Variants in MTAP observed in about 807,000 individuals in gnomAD.
MTAP encodes S-methyl-5'-thioadenosine phosphorylase.
MTAP carries 33 observed loss-of-function variants against 33.6 expected under a neutral mutation model. That is an observed-to-expected ratio of 0.98 (90% CI 0.74 to 1.31). The LOEUF is 1.31. Among genes scored for constraint, MTAP ranks in the 40% most tolerant of loss-of-function variants. The probability of loss-of-function intolerance (pLI) is 0.00; values close to 1 mark genes in which losing one functional copy is unlikely to be tolerated. For missense variants in MTAP, 367 were observed against 360.0 expected (o/e 1.02, Z -0.16); for synonymous variants, 148 against 125.7 (o/e 1.18, Z -1.19).
At chr9:21,845,900 C>G (rs144130947) in intron 5 of MTAP, among the ~76,000 whole-genome samples, 285 of 152,284 alleles carry the variant, frequency 1.9e-3, no homozygotes, top group African/African-American at 6.7e-3. Flanking sequence ...CAGCATGGTA[C>G]TGGTATAAAA....
downstream of MTAP, among the ~76,000 whole-genome samples, chr9:21,868,537 T>A (rs1404376115): frequency 6.6e-6 from 1 of 152,180 alleles, no homozygotes; most frequent in Non-Finnish European, 1.5e-5. Context: ...GCAGGAGTTG[T>A]TTTTTTAACT....
chr9:21,941,036 T>C (rs1303812264), downstream of MTAP: 1 of 976,558 alleles, frequency 1.0e-6, no homozygotes, highest in Admixed American at 6.2e-5. Flanking sequence ...CATGACATCC[T>C]ATAGTAATAT....
intron 1 of MTAP, among the ~76,000 whole-genome samples, chr9:21,917,823 A>G (rs1383110843): frequency 2.6e-5 from 4 of 152,370 alleles, no homozygotes; most frequent in Non-Finnish European, 5.9e-5. Context: ...CAAATGCAAG[A>G]ATATGGAACC....
chr9:21,936,315 A>G (rs1442504733), exon 8 of MTAP: 1 of 152,250 alleles, frequency 6.6e-6, no homozygotes, highest in Non-Finnish European at 1.5e-5. Flanking sequence ...TGATGTCTTC[A>G]TCTCCTGGAA....
intron 1 of MTAP, among the ~76,000 whole-genome samples, chr9:21,890,349 A>G (rs1304023673): frequency 1.3e-5 from 2 of 152,178 alleles, no homozygotes; most frequent in East Asian, 1.9e-4. Flanking sequence ...GCCCCAGGCT[A>G]CATGTCTCCT....
At chr9:21,909,766 A>G (rs1047815551) in intron 1 of MTAP, among the ~76,000 whole-genome samples, 3 of 152,200 alleles carry the variant, frequency 2.0e-5, no homozygotes, top group African/African-American at 7.2e-5. Context: ...CATTCATTTA[A>G]CAGGTGTTAA....
chr9:21,842,671 T>C (rs1023758031), intron 5 of MTAP, among the ~76,000 whole-genome samples: 17 of 152,164 alleles, frequency 1.1e-4, no homozygotes, highest in African/African-American at 4.1e-4. Context: ...AGCTTCATAA[T>C]TGAAGGAGAG....
At chr9:21,881,731 G>A (rs912300743) in intron 1 of MTAP, among the ~76,000 whole-genome samples, 4 of 151,862 alleles carry the variant, frequency 2.6e-5, no homozygotes, top group African/African-American at 4.8e-5. Context: ...AACAGAAAAT[G>A]TTGCCATAGA....
chr9:21,856,440 A>G (rs768919082), intron 6 of MTAP, among the ~76,000 whole-genome samples: 1 of 152,230 alleles, frequency 6.6e-6, no homozygotes, highest in Admixed American at 6.5e-5. Context: ...AAGTCACAAC[A>G]TAATATCTTA....
chr9:21,865,862 A>G lies in MTAP; in HGVS notation c.*3848A>G. ...TGTGCCTTTTTTATTGCCTAGTAGT[A>G]TTCTGTCATATGCCTATCTTACAAT... is the stretch of plus-strand genomic sequence containing the variant. On this transcript the variant is annotated 3_prime_UTR_variant, in exon 8 of 8. Coordinates refer to ENST00000644715, the MANE Select transcript of MTAP (RefSeq NM_002451.4). 1 of 817,074 alleles carries G rather than the reference A, an allele frequency of 1.2e-6. No individual in the cohort carries two copies. The highest frequency in any genetic ancestry group is 1.5e-6 in the Non-Finnish European group (1 of 675,656). The allele number at this position is 817,074 out of a possible 1,614,324, so 50.6% of individuals were successfully genotyped here. A position where few individuals can be genotyped will look rare whatever the true frequency, so the allele number is the denominator to read the frequency against.
At position 21,845,342 on chromosome 9, in the gene MTAP, A is replaced by G. The variant is rs113481972; in HGVS notation, c.450+7332A>G. Among the ~76,000 whole-genome samples, 1,519 of 152,326 alleles carry G rather than the reference A, an allele frequency of 1.0e-2. 22 individuals are homozygous for G. Among genetic ancestry groups the G allele is most frequent in the African/African-American group, 0.034 (1,427 of 41,572 alleles). ...ATTCAGCAAAGTTTCAAGATGCAAA[A>G]TCAATATACTCAAATCAATAGCACT... On this transcript the variant is annotated intron_variant, in intron 5 of 7. Coordinates refer to ENST00000644715, the MANE Select transcript of MTAP (RefSeq NM_002451.4).
At chr9:21,894,222 A>C (rs1046409276) in intron 1 of MTAP, among the ~76,000 whole-genome samples, 9 of 151,742 alleles carry the variant, frequency 5.9e-5, no homozygotes, top group East Asian at 1.9e-4. Context: ...AAAAAAAAAA[A>C]AAAAAAAACT....
chr9:21,834,667 CAT>C (rs1033371800), intron 4 of MTAP, among the ~76,000 whole-genome samples: 1 of 152,216 alleles, frequency 6.6e-6, no homozygotes, highest in Non-Finnish European at 1.5e-5. Context: ...CCGTCTTCCA[CAT>C]GTGAGGACTC....
intron 1 of MTAP, among the ~76,000 whole-genome samples, chr9:21,808,018 C>T (rs528058915): frequency 1.6e-4 from 24 of 152,306 alleles, no homozygotes; most frequent in African/African-American, 5.3e-4. Context: ...GTTCTCAAAG[C>T]GTGTCATGCA....
chr9:21,853,009 C>T (rs1825554368), intron 5 of MTAP, among the ~76,000 whole-genome samples: 1 of 152,074 alleles, frequency 6.6e-6, no homozygotes, highest in African/African-American at 2.4e-5. Flanking sequence ...GACCTTGACC[C>T]TGTATTTGAT....
chr9:21,935,206 T>A (rs769916966), downstream of MTAP: 1 of 152,188 alleles, frequency 6.6e-6, no homozygotes, highest in African/African-American at 2.4e-5. Flanking sequence ...AATACAACAA[T>A]TGAATTGTAA....
chr9:21,803,244 T>G, intron 1 of MTAP: 1 of 299,590 alleles, frequency 3.3e-6, no homozygotes, highest in Non-Finnish European at 6.1e-6. Flanking sequence ...GGACTCCAGC[T>G]TCCGCTCTCT....
At chr9:21,869,022 C>T (rs969181391), downstream of MTAP, among the ~76,000 whole-genome samples, 2 of 152,194 alleles carry the variant, frequency 1.3e-5, no homozygotes, top group African/African-American at 4.8e-5. Flanking sequence ...CCATACCTCA[C>T]ACCTAGTAAG....
At position 21,824,104 on chromosome 9, in the gene MTAP, C is replaced by T. The variant is rs374504623; in HGVS notation, c.347+5902C>T. Among the ~76,000 whole-genome samples the T allele has an allele frequency of 1.5e-4, 23 of 152,274 alleles. 1 individual carries two copies. The South Asian group carries it at 3.7e-3, about 25-fold the overall frequency. ...GATTGTCTGAAGCCTTCTCTCAACTCGTCAGTCATTCTCCATCCAGCTTTG... is the reference window on the plus strand; with the variant it reads ...GATTGTCTGAAGCCTTCTCTCAACTTGTCAGTCATTCTCCATCCAGCTTTG... On this transcript the variant is annotated intron_variant, in intron 4 of 7. Coordinates refer to ENST00000644715, the MANE Select transcript of MTAP (RefSeq NM_002451.4).
Sources: allele counts gnomAD v4.1 joint callset (sites outside exome capture counted in the v4.1 genomes callset), GRCh38; gene constraint gnomAD v4.1.1; transcripts MANE v1.5; gene names NCBI Gene and HGNC (gene_info 2026-07-23, HGNC 2026-07-21).